Variants in LRP1B observed in about 807,000 individuals in gnomAD.
The protein encoded by LRP1B is low-density lipoprotein receptor-related protein 1B.
Under a neutral mutation model 556.6 loss-of-function variants are expected in LRP1B, and 217 were observed. The observed-to-expected ratio is 0.39, with a 90% CI of 0.35 to 0.44. The LOEUF is 0.44. LRP1B is among the 20% of genes least tolerant of loss of function. LRP1B has a pLI of 1.00. For missense variants in LRP1B, 5,053 were observed against 5,620.8 expected, an observed-to-expected ratio of 0.90 and a Z score of 3.23; for synonymous variants, 2,047 against 1,865.8, an observed-to-expected ratio of 1.10 and a Z score of -2.50.
chr2:141,779,907 T>G (rs1345090606), intron 2 of LRP1B, among the ~76,000 whole-genome samples: 2 of 151,810 alleles, frequency 1.3e-5, no homozygotes, highest in East Asian at 3.9e-4. Context: ...CCTAAATTGA[T>G]TATTTTATAC....
At position 141,649,537 on chromosome 2, in the gene LRP1B, A is replaced by T. The variant is rs1432798046; in HGVS notation, c.205+160742T>A. Among the ~76,000 whole-genome samples the T allele has an allele frequency of 3.9e-5, 6 of 152,322 alleles. No homozygotes were observed. In the South Asian group the frequency reaches 1.0e-3, roughly 26 times the overall value. ...GATATCTTAAGTTGAAAAATGCTCA[A>T]GATGTCTTAAGTTGTATTGATGTCT... is the stretch of plus-strand genomic sequence containing the variant. On this transcript the variant is annotated intron_variant, in intron 2 of 90. Coordinates refer to ENST00000389484, the MANE Select transcript of LRP1B (RefSeq NM_018557.3).
intron 1 of LRP1B, among the ~76,000 whole-genome samples, chr2:141,861,688 G>A (rs937635587): frequency 1.3e-5 from 2 of 152,156 alleles, no homozygotes; most frequent in Admixed American, 6.5e-5. Context: ...CCAGCACTTT[G>A]GGAGGCCGTA....
intron 7 of LRP1B, among the ~76,000 whole-genome samples, chr2:141,074,117 T>A (rs1699718698): frequency 1.3e-5 from 2 of 152,100 alleles, no homozygotes; most frequent in African/African-American, 4.8e-5. Context: ...CCTAGCAGTA[T>A]CTTTCCTCAC....
chr2:141,533,186 T>C (rs1684950564), intron 2 of LRP1B, among the ~76,000 whole-genome samples: 1 of 152,174 alleles, frequency 6.6e-6, no homozygotes, highest in Non-Finnish European at 1.5e-5. Context: ...GCTTAATAAC[T>C]GGCTAACACT....
chr2:141,719,177 G>T (rs1306629929), intron 2 of LRP1B, among the ~76,000 whole-genome samples: 2 of 152,138 alleles, frequency 1.3e-5, no homozygotes, highest in East Asian at 1.9e-4. Flanking sequence ...GTGATACAAG[G>T]TGTAATTGGA....
At chr2:141,784,559 A>G (rs1244503119) in intron 2 of LRP1B, among the ~76,000 whole-genome samples, 1 of 151,974 alleles carries the variant, frequency 6.6e-6, no homozygotes, top group East Asian at 1.9e-4. Flanking sequence ...CTGATCTTCA[A>G]AAGCCTGTAT....
chr2:141,780,178 A>C (rs1695206652), intron 2 of LRP1B, among the ~76,000 whole-genome samples: 1 of 151,886 alleles, frequency 6.6e-6, no homozygotes, highest in Admixed American at 6.6e-5. Flanking sequence ...CAATATAAAA[A>C]AAAGAAGAAT....
At chr2:141,241,022 G>C (rs2139149) in intron 5 of LRP1B, among the ~76,000 whole-genome samples, 86,458 of 151,736 alleles carry the variant, frequency 0.57, 24,972 homozygotes, top group East Asian at 0.65. Context: ...ATATCCCCTA[G>C]CATAAAAACA....
At chr2:140,361,756 C>T (rs112724814) in intron 72 of LRP1B, among the ~76,000 whole-genome samples, 7 of 151,416 alleles carry the variant, frequency 4.6e-5, no homozygotes, top group African/African-American at 7.2e-5. Flanking sequence ...TTCCACACAG[C>T]GTAATCTTGA....
chr2:141,495,059 A>G (rs778580043), intron 2 of LRP1B, among the ~76,000 whole-genome samples: 24 of 152,070 alleles, frequency 1.6e-4, no homozygotes, highest in Admixed American at 7.2e-4. Flanking sequence ...CAAAACTGTA[A>G]CAATAGAAAG....
chr2:140,903,178 G>A lies in LRP1B; in HGVS notation c.3521-13C>T, dbSNP rs762866136. The A allele has an allele frequency of 1.2e-6, 2 of 1,611,528 alleles. No homozygotes were observed. The highest frequency in any genetic ancestry group is 2.2e-5 in the South Asian group (2 of 90,896). ...AGCGAACACTCATCTATAAAAAGGG[G>A]GGAACAGATTATAGGTCTTATCAAT... On this transcript the variant is annotated splice_polypyrimidine_tract_variant and intron_variant, in intron 22 of 90. Transcript: ENST00000389484.
At chr2:140,857,104 A>G (rs1198116022) in intron 27 of LRP1B, among the ~76,000 whole-genome samples, 1 of 152,154 alleles carries the variant, frequency 6.6e-6, no homozygotes, top group Non-Finnish European at 1.5e-5. Context: ...GTTTCTCACC[A>G]GGGAAAAGAA....
chr2:141,104,535 G>A (rs1700556430), intron 7 of LRP1B, among the ~76,000 whole-genome samples: 1 of 152,010 alleles, frequency 6.6e-6, no homozygotes, highest in African/African-American at 2.4e-5. Flanking sequence ...TGAAATGAAT[G>A]GAATAGTCTC....
At chr2:141,612,707 A>T (rs959117988) in intron 2 of LRP1B, among the ~76,000 whole-genome samples, 1 of 152,206 alleles carries the variant, frequency 6.6e-6, no homozygotes, top group East Asian at 1.9e-4. Flanking sequence ...ACCACTGGAG[A>T]GTACTATAGG....
chr2:141,295,224 TATTATC>T (rs977503037), intron 3 of LRP1B, among the ~76,000 whole-genome samples: 2 of 152,208 alleles, frequency 1.3e-5, no homozygotes, highest in African/African-American at 2.4e-5. Context: ...TATCCCCTTA[TATTATC>T]ATAAATTTAA....
chr2:141,268,188 C>G (rs1444745928), intron 3 of LRP1B, among the ~76,000 whole-genome samples: 2 of 152,116 alleles, frequency 1.3e-5, no homozygotes, highest in Non-Finnish European at 2.9e-5. Context: ...TTAAATGTAA[C>G]AACTGAACAT....
At chr2:140,708,444 G>A (rs139899028) in intron 37 of LRP1B, among the ~76,000 whole-genome samples, 77 of 151,560 alleles carry the variant, frequency 5.1e-4, no homozygotes, top group African/African-American at 1.7e-3. Flanking sequence ...ATTATTATGT[G>A]TATGAAGAGC....
intron 41 of LRP1B, among the ~76,000 whole-genome samples, chr2:140,607,681 A>G (rs1028082984): frequency 1.3e-5 from 2 of 151,802 alleles, no homozygotes; most frequent in East Asian, 1.9e-4. Context: ...GTGTATATAT[A>G]TATGTATACA....
chr2:141,925,275 A>C (rs1700302675), intron 1 of LRP1B, among the ~76,000 whole-genome samples: 1 of 152,202 alleles, frequency 6.6e-6, no homozygotes, highest in African/African-American at 2.4e-5. Context: ...AATCTAATAA[A>C]GAGTCAGTTG....
Sources: allele counts gnomAD v4.1 joint callset (sites outside exome capture counted in the v4.1 genomes callset), GRCh38; gene constraint gnomAD v4.1.1; transcripts MANE v1.5; gene names NCBI Gene and HGNC (gene_info 2026-07-23, HGNC 2026-07-21).